The following BAALC variants were observed in gnomAD, a reference collection of about 807,000 sequenced individuals.
BAALC encodes the protein BAALC binder of MAP3K1 and KLF4.
In BAALC, 9 loss-of-function variants were observed where a neutral mutation model predicts 15.5. The observed-to-expected ratio is 0.58, with a 90% CI of 0.35 to 1.02. BAALC has a LOEUF of 1.02. Among genes scored for constraint, BAALC ranks in the 50% least tolerant of loss-of-function variants. The pLI is 0.02. For synonymous variants in BAALC, 80 were observed against 74.6 expected, an observed-to-expected ratio of 1.07 and a Z score of -0.37; for missense variants, 201 against 192.4, an observed-to-expected ratio of 1.04 and a Z score of -0.27.
At chr8:103,163,825 T>A (rs182966537) in intron 1 of BAALC, among the ~76,000 whole-genome samples, 17 of 152,288 alleles carry the variant, frequency 1.1e-4, no homozygotes, top group Admixed American at 1.1e-3. Context: ...TTTGTGTATT[T>A]ATCACACAGA....
chr8:103,173,141 T>C (rs774654836), intron 1 of BAALC, among the ~76,000 whole-genome samples: 1 of 152,194 alleles, frequency 6.6e-6, no homozygotes, highest in Non-Finnish European at 1.5e-5. Context: ...ACTATCACAG[T>C]TATTTTTCAT....
chr8:103,141,979 T>A (rs1339613367), intron 1 of BAALC, among the ~76,000 whole-genome samples: 1 of 152,210 alleles, frequency 6.6e-6, no homozygotes, highest in Non-Finnish European at 1.5e-5. Context: ...ATTGGTGACA[T>A]TAAAAGGAAA....
intron 1 of BAALC, among the ~76,000 whole-genome samples, chr8:103,142,063 C>T (rs1373736946): frequency 2.0e-5 from 3 of 152,164 alleles, no homozygotes; most frequent in Non-Finnish European, 4.4e-5. Context: ...TTAAGTGTTT[C>T]TTCACCCACT....
At chr8:103,177,788 G>T (rs1204752870) in intron 1 of BAALC, among the ~76,000 whole-genome samples, 4 of 152,180 alleles carry the variant, frequency 2.6e-5, no homozygotes, top group Admixed American at 2.6e-4. Flanking sequence ...TCATAGGATT[G>T]ATGTGGACAT....
rs116369099 is a variant in BAALC at position 103,180,189 on chromosome 8, A to G, written c.161-32730A>G. On this transcript the variant is annotated intron_variant, in intron 1 of 2. Transcript: ENST00000309982. Reference sequence around the variant, plus strand: ...AGGGTGGGCGAGTGGGAGGAATGCAATTCTGAGATGGAGAAATTAAGACAA... The same window carrying G: ...AGGGTGGGCGAGTGGGAGGAATGCAGTTCTGAGATGGAGAAATTAAGACAA... 8.1e-3 allele frequency among the ~76,000 whole-genome samples: 1,232 copies of G among 152,328 alleles called. 26 individuals are homozygous for G. The highest frequency in any genetic ancestry group is 0.028 in the African/African-American group (1,175 of 41,564).
chr8:103,144,071 C>G (rs1296455159), intron 1 of BAALC, among the ~76,000 whole-genome samples: 1 of 152,188 alleles, frequency 6.6e-6, no homozygotes, highest in African/African-American at 2.4e-5. Flanking sequence ...ACATGTCTGC[C>G]CAAGAAAAGT....
chr8:103,176,890 C>A (rs1177666058), intron 1 of BAALC, among the ~76,000 whole-genome samples: 1 of 152,114 alleles, frequency 6.6e-6, no homozygotes, highest in East Asian at 1.9e-4. Flanking sequence ...GCTGCAGGGC[C>A]CTCGCATGCC....
At chr8:103,197,613 G>A (rs774984636) in intron 1 of BAALC, among the ~76,000 whole-genome samples, 23 of 152,178 alleles carry the variant, frequency 1.5e-4, no homozygotes, top group Non-Finnish European at 2.8e-4. Context: ...AAAGAAAAGA[G>A]GCTTAATTGG....
chr8:103,166,500 AG>A (rs1226651819), intron 1 of BAALC, among the ~76,000 whole-genome samples: 1 of 152,132 alleles, frequency 6.6e-6, no homozygotes, highest in Non-Finnish European at 1.5e-5. Flanking sequence ...AACGGGCCTG[AG>A]GGCAGAAACC....
At position 103,199,125 on chromosome 8, in the gene BAALC, C is replaced by T. The variant is rs186710856; in HGVS notation, c.161-13794C>T. Among the ~76,000 whole-genome samples, 687 of 152,214 alleles carry T rather than the reference C, an allele frequency of 4.5e-3. 11 individuals carry two copies. The highest frequency in any genetic ancestry group is 0.015 in the African/African-American group (617 of 41,544). ...GTGTAAAGAACATCTTCAACAACCC[C>T]GTTTGTGCAATGGTTAAGAGGTTTT... is the stretch of plus-strand genomic sequence containing the variant. On this transcript the variant is annotated intron_variant, in intron 1 of 2. Coordinates refer to ENST00000309982, the MANE Select transcript of BAALC (RefSeq NM_024812.3).
chr8:103,211,761 C>A (rs1380506351), intron 1 of BAALC, among the ~76,000 whole-genome samples: 3 of 152,204 alleles, frequency 2.0e-5, no homozygotes, highest in Non-Finnish European at 4.4e-5. Flanking sequence ...GTCTTCTTAA[C>A]CTGGGTTTTT....
At chr8:103,227,586 T>C (rs1421266412) in intron 2 of BAALC, among the ~76,000 whole-genome samples, 1 of 152,220 alleles carries the variant, frequency 6.6e-6, no homozygotes, top group African/African-American at 2.4e-5. Context: ...TTAACTATTC[T>C]ATGTTTCTTT....
chr8:103,157,096 T>G lies in BAALC; in HGVS notation c.160+16039T>G, dbSNP rs937514455. On this transcript the variant is annotated intron_variant, in intron 1 of 2. Coordinates refer to ENST00000309982, the MANE Select transcript of BAALC (RefSeq NM_024812.3). ...GTATATGATATACAAAAAAGTTATA[T>G]GAAAAGGTGATCTGAATATGTGTGT... The G allele has an allele frequency of 1.1e-4, 17 of 151,076 alleles. No homozygotes were observed. The Admixed American group carries it at 1.1e-3, about 10-fold the overall frequency. The allele number at this position is 151,076 out of a possible 1,614,324, so 9.4% of individuals were successfully genotyped here.
chr8:103,217,420 G>GA (rs1413378800), intron 2 of BAALC, among the ~76,000 whole-genome samples: 8 of 151,928 alleles, frequency 5.3e-5, no homozygotes, highest in Admixed American at 2.0e-4. Context: ...TTTGCCCAAA[G>GA]AAAATACTTT....
chr8:103,142,312 AT>A (rs1002554353), intron 1 of BAALC, among the ~76,000 whole-genome samples: 5 of 152,236 alleles, frequency 3.3e-5, no homozygotes, highest in African/African-American at 1.2e-4. Flanking sequence ...TTATTTTAAA[AT>A]TGAGGACTGT....
chr8:103,212,113 TACTC>T (rs1812458347), intron 1 of BAALC, among the ~76,000 whole-genome samples: 2 of 152,170 alleles, frequency 1.3e-5, no homozygotes, highest in Non-Finnish European at 2.9e-5. Flanking sequence ...AAGGCACACA[TACTC>T]AGTCCAACAC....
rs116377767 is a variant in BAALC at position 103,212,909 on chromosome 8, C to T, written c.161-10C>T. 2,540 of 1,608,990 alleles carry T rather than the reference C, an allele frequency of 1.6e-3. 31 individuals are homozygous for T. In the African/African-American group the frequency reaches 0.029, roughly 18 times the overall value. ...AGCTTCTGGTTCCATCCTCTGCTTA[C>T]CTCCCCCAGGCATGCTGGAAGATGG... is the stretch of plus-strand genomic sequence containing the variant. On this transcript the variant is annotated splice_polypyrimidine_tract_variant and intron_variant, in intron 1 of 2. Coordinates refer to ENST00000309982, the MANE Select transcript of BAALC (RefSeq NM_024812.3).
At chr8:103,144,287 G>C (rs1431418150) in intron 1 of BAALC, among the ~76,000 whole-genome samples, 1 of 152,202 alleles carries the variant, frequency 6.6e-6, no homozygotes, top group South Asian at 2.1e-4. Context: ...TCCTGAGCCT[G>C]TGGTTCCTGT....
chr8:103,158,684 C>CG (rs1811155015), intron 1 of BAALC, among the ~76,000 whole-genome samples: 2 of 127,048 alleles, frequency 1.6e-5, no homozygotes, highest in African/African-American at 5.5e-5. Flanking sequence ...ACAATACATA[C>CG]AATACATACA....
Sources: gnomAD v4.1 joint callset for allele counts (sites outside exome capture counted in the v4.1 genomes callset) on GRCh38, gnomAD v4.1.1 for gene constraint, MANE v1.5 for transcripts, NCBI Gene and HGNC (gene_info 2026-07-23, HGNC 2026-07-21) for gene names.